The following ATF6 variants were observed in gnomAD, a reference collection of about 807,000 sequenced individuals.
ATF6 encodes activating transcription factor 6.
In ATF6, 53 loss-of-function variants were observed where a neutral mutation model predicts 83.6. That is an observed-to-expected ratio of 0.63 (90% confidence interval 0.51 to 0.80). The LOEUF (loss-of-function observed/expected upper bound fraction) is 0.80, where lower values mean the gene tolerates loss of function less well. ATF6 is among the 30% of genes least tolerant of loss of function. ATF6 has a pLI of 0.00. For missense variants in ATF6, 744 were observed against 797.9 expected, an observed-to-expected ratio of 0.93 and a Z score of 0.81; for synonymous variants, 288 against 285.8, an observed-to-expected ratio of 1.01 and a Z score of -0.08.
intron 15 of ATF6, among the ~76,000 whole-genome samples, chr1:161,918,965 A>G (rs1688152043): frequency 6.6e-6 from 1 of 152,214 alleles, no homozygotes; most frequent in Non-Finnish European, 1.5e-5. Context: ...GTAACGTATT[A>G]TGATTATACT....
intron 2 of ATF6, 55 bp downstream of exon 2, chr1:161,778,375 T>C: frequency 7.1e-7 from 1 of 1,412,768 alleles, no homozygotes; most frequent in Non-Finnish European, 9.9e-7. Flanking sequence ...CCCTAATTAT[T>C]GCAAGAAAGT....
intron 15 of ATF6, among the ~76,000 whole-genome samples, chr1:161,914,462 C>T (rs1033330453): frequency 2.1e-4 from 32 of 152,346 alleles, no homozygotes; most frequent in African/African-American, 7.2e-4. Flanking sequence ...ATCCTGCTGT[C>T]TAACTTCAGC....
intron 9 of ATF6, among the ~76,000 whole-genome samples, chr1:161,822,145 G>T (rs1373886047): frequency 6.6e-6 from 1 of 152,176 alleles, no homozygotes; most frequent in African/African-American, 2.4e-5. Context: ...TAGATATTGA[G>T]AATTAACATT....
In ATF6 at chr1:161,819,619, A is replaced by G; in HGVS notation, c.910-14A>G. The G allele has an allele frequency of 1.9e-6, 3 of 1,550,748 alleles. No homozygotes were observed. Among genetic ancestry groups the G allele is most frequent in the South Asian group, 1.3e-5 (1 of 79,472 alleles). ...TAAAACCAGGGTATTCTGATTCATTATAACTTTTTCTAGATTGCTGTGCTA... is the reference window on the plus strand; with the variant it reads ...TAAAACCAGGGTATTCTGATTCATTGTAACTTTTTCTAGATTGCTGTGCTA... On this transcript the variant is annotated splice_polypyrimidine_tract_variant and intron_variant, in intron 7 of 15. Transcript: ENST00000367942.
chr1:161,961,271 G>A lies in ATF6; in HGVS notation c.*2617G>A, dbSNP rs1220000947. 1 of 152,250 alleles carries A rather than the reference G, an allele frequency of 6.6e-6. No homozygotes were observed. Among genetic ancestry groups the A allele is most frequent in the African/African-American group, 2.4e-5 (1 of 41,438 alleles). The allele number at this position is 152,250 out of a possible 1,614,324, so 9.4% of individuals were successfully genotyped here. The stretch of plus-strand genomic sequence containing the variant: ...CCGGCAGCTCTGCCACAGAGCTAGG[G>A]GTGCCTGTAAGGTGCCGCCTAGAGC... On this transcript the variant is annotated 3_prime_UTR_variant, in exon 16 of 16. Coordinates refer to ENST00000367942, the MANE Select transcript of ATF6 (RefSeq NM_007348.4).
intron 9 of ATF6, among the ~76,000 whole-genome samples, chr1:161,846,090 C>G (rs1180984062): frequency 6.6e-6 from 1 of 152,048 alleles, no homozygotes; most frequent in Non-Finnish European, 1.5e-5. Flanking sequence ...TCCAGGAGGC[C>G]TTCTTATTTC....
rs567709081 is a variant in ATF6 at position 161,782,458 on chromosome 1, G to C, written c.247+459G>C. 3.4e-4 allele frequency among the ~76,000 whole-genome samples: 52 copies of C among 152,304 alleles called. 1 individual carries two copies. The highest frequency in any genetic ancestry group is 6.2e-4 in the Non-Finnish European group (42 of 68,022). ...TGATGAGGTCGGGGTTGAGTATACTGAAAGAAGCCAGAACCTGGAGCAAAT... is the reference window on the plus strand; with the variant it reads ...TGATGAGGTCGGGGTTGAGTATACTCAAAGAAGCCAGAACCTGGAGCAAAT... On this transcript the variant is annotated intron_variant, in intron 3 of 15. Coordinates refer to ENST00000367942, the MANE Select transcript of ATF6 (RefSeq NM_007348.4).
rs1685171391 is a variant in ATF6 at position 161,802,274 on chromosome 1, T to G, written c.909+2T>G. ...ACCATGAGAAATGTCGGTTCAGATG[T>G]AAGTTTTGAAACTTAGTGCTTCTCT... On this transcript the variant is annotated splice_donor_variant, in intron 7 of 15. Coordinates refer to ENST00000367942, the MANE Select transcript of ATF6 (RefSeq NM_007348.4). LOFTEE classifies it high-confidence loss of function. 1.2e-6 allele frequency: 2 copies of G among 1,613,122 alleles called. No individual in the cohort carries two copies. Among genetic ancestry groups the G allele is most frequent in the Non-Finnish European group, 1.7e-6 (2 of 1,179,250 alleles).
At chr1:161,821,031 T>C (rs1454060952) in intron 8 of ATF6, 39 bp from the exon 9 acceptor site, 2 of 1,412,192 alleles carry the variant, frequency 1.4e-6, no homozygotes, top group Non-Finnish European at 2.0e-6. Context: ...CTGAAATCGA[T>C]GTTAGTTTAA....
At chr1:161,953,405 T>C (rs1228522650) in intron 15 of ATF6, among the ~76,000 whole-genome samples, 1 of 152,200 alleles carries the variant, frequency 6.6e-6, no homozygotes, top group Non-Finnish European at 1.5e-5. Context: ...TTACATACAC[T>C]GTTCTAGCGA....
chr1:161,771,108 G>C (rs929655454), intron 1 of ATF6, among the ~76,000 whole-genome samples: 2 of 152,018 alleles, frequency 1.3e-5, no homozygotes, highest in Non-Finnish European at 2.9e-5. Flanking sequence ...ATGCTTATTT[G>C]CCGTCTGTAT....
chr1:161,929,296 C>T (rs1265680769), intron 15 of ATF6, among the ~76,000 whole-genome samples: 1 of 152,174 alleles, frequency 6.6e-6, no homozygotes, highest in Non-Finnish European at 1.5e-5. Flanking sequence ...TCCTAAATTA[C>T]ACCACAGAGC....
chr1:161,857,924 A>G (rs1686799152), intron 12 of ATF6, among the ~76,000 whole-genome samples: 1 of 152,144 alleles, frequency 6.6e-6, no homozygotes, highest in Non-Finnish European at 1.5e-5. Flanking sequence ...CTCTAGAGCA[A>G]CTACTAAAAG....
chr1:161,908,954 T>C (rs1687931610), intron 14 of ATF6, among the ~76,000 whole-genome samples: 1 of 152,200 alleles, frequency 6.6e-6, no homozygotes, highest in South Asian at 2.1e-4. Flanking sequence ...ATATGGTTTC[T>C]ATGCTGTTAA....
chr1:161,889,103 G>A (rs7513427), intron 14 of ATF6, among the ~76,000 whole-genome samples: 21,637 of 152,170 alleles, frequency 0.14, 2,113 homozygotes, highest in East Asian at 0.32. Flanking sequence ...CTCCTAATTG[G>A]GACTGAACAT....
chr1:161,916,967 C>A (rs1688113398), intron 15 of ATF6, among the ~76,000 whole-genome samples: 1 of 152,192 alleles, frequency 6.6e-6, no homozygotes, highest in Non-Finnish European at 1.5e-5. Context: ...TTTCATGATA[C>A]CATGACTTGT....
At chr1:161,787,703 G>A (rs984167023) in intron 4 of ATF6, among the ~76,000 whole-genome samples, 14 of 152,058 alleles carry the variant, frequency 9.2e-5, no homozygotes, top group African/African-American at 3.4e-4. Flanking sequence ...TATTTTTAGT[G>A]TTTAGATCTC....
chr1:161,773,982 G>C (rs6674081), intron 1 of ATF6, among the ~76,000 whole-genome samples: 19,980 of 151,912 alleles, frequency 0.13, 1,822 homozygotes, highest in East Asian at 0.31. Context: ...TGTTAACATC[G>C]TGCCACATTC....
At chr1:161,878,741 T>C (rs1020265835) in intron 14 of ATF6, among the ~76,000 whole-genome samples, 5 of 152,112 alleles carry the variant, frequency 3.3e-5, no homozygotes, top group African/African-American at 7.2e-5. Context: ...TTGAATACTG[T>C]TGAGACGTTA....
Sources: gnomAD v4.1 joint callset for allele counts (sites outside exome capture counted in the v4.1 genomes callset) on GRCh38, gnomAD v4.1.1 for gene constraint, MANE v1.5 for transcripts, NCBI Gene and HGNC (gene_info 2026-07-23, HGNC 2026-07-21) for gene names.